Variants in PGLYRP3 observed in about 807,000 individuals in gnomAD.
The protein encoded by PGLYRP3 is peptidoglycan recognition protein I alpha.
In PGLYRP3, 39 loss-of-function variants were observed where a neutral mutation model predicts 36.0. The ratio of observed to expected loss-of-function variants is 1.08; its 90% confidence interval spans 0.84 to 1.41. The LOEUF is 1.41. PGLYRP3 is among the 40% of genes most tolerant of loss of function. PGLYRP3 has a pLI of 0.00. For synonymous variants in PGLYRP3, 204 were observed against 172.8 expected (o/e 1.18, Z -1.42); for missense variants, 407 against 427.9 (o/e 0.95, Z 0.43).
chr1:153,299,032 T>G, intron 7 of PGLYRP3, 81 bp downstream of exon 7: 2 of 1,153,256 alleles, frequency 1.7e-6, no homozygotes, highest in Non-Finnish European at 2.6e-6. Context: ...ACTACAGGGC[T>G]GCCTTTCCCG....
Position 153,302,612 on chromosome 1 carries a change from G to A in PGLYRP3, c.530-5C>T, listed in dbSNP as rs1355518710. On this transcript the variant is annotated splice_region_variant and splice_polypyrimidine_tract_variant and intron_variant, in intron 5 of 7. Coordinates refer to ENST00000683862, the MANE Select transcript of PGLYRP3 (RefSeq NM_052891.3). The stretch of plus-strand genomic sequence containing the variant: ...GTTTGATGATGTTGGGGCAAACTGT[G>A]GTAAAATGAAAAGCCAAGGAAGTAG... The A allele has an allele frequency of 1.9e-6, 3 of 1,613,732 alleles. No individual in the cohort carries two copies. The African/African-American group carries it at 4.0e-5, about 22-fold the overall frequency.
intron 1 of PGLYRP3, 149 bp from the exon 2 acceptor site, chr1:153,310,855 C>T (rs560516083): frequency 3.6e-6 from 2 of 558,836 alleles, no homozygotes; most frequent in East Asian, 3.1e-5. Context: ...GCCCCTTAAA[C>T]ACATCAGGTT....
At chr1:153,303,828 GGAGGGT>G in intron 5 of PGLYRP3, 23 bp downstream of exon 5, 2 of 1,589,172 alleles carry the variant, frequency 1.3e-6, no homozygotes, top group South Asian at 2.2e-5. Flanking sequence ...GTGACGAGGA[GGAGGGT>G]GAGGTGACAT....
At chr1:153,307,330 C>A in intron 2 of PGLYRP3, 63 bp from the exon 3 acceptor site, 1 of 1,488,446 alleles carries the variant, frequency 6.7e-7, no homozygotes, top group Non-Finnish European at 9.1e-7. Flanking sequence ...AACAGGTCGA[C>A]CATGTGCCCT....
rs1359565269 is a variant in PGLYRP3, at chr1:153,297,592, GAAAGAAAGAA to G, written c.*354_*363del. Among the ~76,000 whole-genome samples, 25 of 150,516 alleles carry G rather than the reference GAAAGAAAGAA, an allele frequency of 1.7e-4. No homozygotes were observed. Among genetic ancestry groups the G allele is most frequent in the African/African-American group, 5.9e-4 (24 of 40,730 alleles). ...AAGAAAGAAAGAAAGAAGAAAGAAAGAAAGAAAGAAAGAGAAAGGAAGCAAAGAAAGAAAG... is the reference window on the plus strand; with the variant it reads ...AAGAAAGAAAGAAAGAAGAAAGAAAGAGAGAAAGGAAGCAAAGAAAGAAAG... On this transcript the variant is annotated 3_prime_UTR_variant, in exon 8 of 8. Coordinates refer to ENST00000683862, the MANE Select transcript of PGLYRP3 (RefSeq NM_052891.3).
At chr1:153,308,196 G>T (rs147140404) in intron 2 of PGLYRP3, among the ~76,000 whole-genome samples, 1 of 152,064 alleles carries the variant, frequency 6.6e-6, no homozygotes, top group Non-Finnish European at 1.5e-5. Context: ...GGGTTTCACC[G>T]TGTTAGCCAG....
rs141251945 is a variant in PGLYRP3, at chr1:153,307,386, C to T, written c.56-119G>A. 1,873 of 930,476 alleles carry T rather than the reference C, an allele frequency of 2.0e-3. 14 individuals are homozygous for T. Among genetic ancestry groups the T allele is most frequent in the Middle Eastern group, 4.0e-3 (12 of 3,022 alleles). The allele number at this position is 930,476 out of a possible 1,614,324, so 57.6% of individuals were successfully genotyped here. A position where few individuals can be genotyped will look rare whatever the true frequency, so the allele number is the denominator to read the frequency against. On this transcript the variant is annotated intron_variant, in intron 2 of 7. Transcript: ENST00000683862. ...GACCTGCCCCATGCATGGGAGACAC[C>T]CTGGGGGAGCCCTTCACCACCAAAG...
intron 3 of PGLYRP3, among the ~76,000 whole-genome samples, chr1:153,306,865 C>T (rs540907090): frequency 3.2e-4 from 48 of 152,312 alleles, no homozygotes; most frequent in African/African-American, 1.1e-3. Context: ...GAATCGAAAG[C>T]CACTTAAATA....
Position 153,307,189 on chromosome 1 carries a change from G to A in PGLYRP3, c.134C>T (p.Ala45Val), listed in dbSNP as rs747050635. The A allele has an allele frequency of 6.2e-7, 1 of 1,612,174 alleles. No individual in the cohort carries two copies. Among genetic ancestry groups the A allele is most frequent in the Non-Finnish European group, 8.5e-7 (1 of 1,179,312 alleles). ...ACRALLTLPV[A>V]YIITDQLPGM... ...TGGGAGCTGGTCTGTGATGATGTAG[G>A]CCACAGGCAGGGTCAGCAGGGCCCT... is the stretch of plus-strand genomic sequence containing the variant. The change falls in exon 3 of 8, where the codon GCC becomes GTC. Residue 45 changes from alanine (A) to valine (V), a missense_variant. Coordinates refer to ENST00000683862, the MANE Select transcript of PGLYRP3 (RefSeq NM_052891.3).
intron 6 of PGLYRP3, among the ~76,000 whole-genome samples, chr1:153,301,033 C>A (rs1383750738): frequency 6.6e-6 from 1 of 152,210 alleles, no homozygotes; most frequent in African/African-American, 2.4e-5. Context: ...TCCGTTTCAG[C>A]CTTCCAAGTA....
rs1159992498 is a variant in PGLYRP3 at position 153,297,703 on chromosome 1, G to A, written c.*253C>T. On this transcript the variant is annotated 3_prime_UTR_variant, in exon 8 of 8. Coordinates refer to ENST00000683862, the MANE Select transcript of PGLYRP3 (RefSeq NM_052891.3). Reference sequence around the variant, plus strand: ...GCCCATTGTCTCGCCTGACTGAGGAGGTAAGTGCCCAGGGGAGAGGTAGGT... The same window carrying A: ...GCCCATTGTCTCGCCTGACTGAGGAAGTAAGTGCCCAGGGGAGAGGTAGGT... Among the ~76,000 whole-genome samples the A allele has an allele frequency of 6.6e-6, 1 of 152,046 alleles. No homozygotes were observed. The highest frequency in any genetic ancestry group is 2.4e-5 in the African/African-American group (1 of 41,386).
At chr1:153,307,385 C>T (rs1659771967) in intron 2 of PGLYRP3, 118 bp from the exon 3 acceptor site, 2 of 962,468 alleles carry the variant, frequency 2.1e-6, no homozygotes, top group South Asian at 3.2e-5. Flanking sequence ...ATGGGAGACA[C>T]CCTGGGGGAG....
At chr1:153,304,871 A>C (rs992058197) in intron 4 of PGLYRP3, 76 bp downstream of exon 4, 9 of 1,047,856 alleles carry the variant, frequency 8.6e-6, no homozygotes, top group Non-Finnish European at 1.3e-5. Context: ...TAAAAAGATG[A>C]GTGTTGACCC....
intron 5 of PGLYRP3, 108 bp downstream of exon 5, chr1:153,303,749 A>T (rs542811276): frequency 3.1e-6 from 4 of 1,298,156 alleles, no homozygotes; most frequent in African/African-American, 1.5e-5. Context: ...AGATGTTCTT[A>T]GTCCCAGAAT....
At chr1:153,299,761 C>T (rs1440123629) in intron 6 of PGLYRP3, among the ~76,000 whole-genome samples, 2 of 152,150 alleles carry the variant, frequency 1.3e-5, no homozygotes, top group African/African-American at 4.8e-5. Flanking sequence ...CCAAGCAAAC[C>T]CACCTTCTTC....
At chr1:153,302,324 T>A (rs1659616421) in intron 6 of PGLYRP3, 85 bp downstream of exon 6, 1 of 1,437,156 alleles carries the variant, frequency 7.0e-7, no homozygotes, top group Non-Finnish European at 9.7e-7. Flanking sequence ...AAGGAGAGGC[T>A]CAGGAAACAT....
intron 2 of PGLYRP3, among the ~76,000 whole-genome samples, chr1:153,309,778 A>C (rs1659851282): frequency 6.6e-6 from 1 of 152,224 alleles, no homozygotes; most frequent in Admixed American, 6.5e-5. Flanking sequence ...CCCGCAGGCC[A>C]ACACTGACAC....
At chr1:153,306,165 G>A (rs1659734421) in intron 3 of PGLYRP3, among the ~76,000 whole-genome samples, 1 of 151,854 alleles carries the variant, frequency 6.6e-6, no homozygotes, top group African/African-American at 2.4e-5. Context: ...CCAAAACCAG[G>A]GCCTGCAGCT....
In PGLYRP3 at chr1:153,297,581, G is replaced by GAAAGAAAGAAAGAAAGA. The variant is rs918244220; in HGVS notation, c.*374_*375insTCTTTCTTTCTTTCTTT. Among the ~76,000 whole-genome samples the GAAAGAAAGAAAGAAAGA allele has an allele frequency of 5.2e-4, 25 of 48,470 alleles. No homozygotes were observed. The highest frequency in any genetic ancestry group is 1.7e-3 in the African/African-American group (25 of 14,570). The allele number at this position is 48,470 out of a possible 152,430, so 31.8% of individuals were successfully genotyped here. A position where few individuals can be genotyped will look rare whatever the true frequency, so the allele number is the denominator to read the frequency against. On this transcript the variant is annotated 3_prime_UTR_variant, in exon 8 of 8. Coordinates refer to ENST00000683862, the MANE Select transcript of PGLYRP3 (RefSeq NM_052891.3). Reference sequence around the variant, plus strand: ...AAAGAAAAAGAAAGAAAGAAAGAAAGAAGAAAGAAAGAAAGAAAGAAAGAG... The same window carrying GAAAGAAAGAAAGAAAGA: ...AAAGAAAAAGAAAGAAAGAAAGAAAGAAAGAAAGAAAGAAAGAAAGAAAGAAAGAAAGAAAGAAAGAG...
Sources: allele counts gnomAD v4.1 joint callset (sites outside exome capture counted in the v4.1 genomes callset), GRCh38; gene constraint gnomAD v4.1.1; transcripts MANE v1.5; gene names NCBI Gene and HGNC (gene_info 2026-07-23, HGNC 2026-07-21).